Variants in GUCY1A1 observed in about 807,000 individuals in gnomAD.
GUCY1A1 encodes the protein guanylate cyclase 1 soluble subunit alpha 1.
In GUCY1A1, 48 loss-of-function variants were observed where a neutral mutation model predicts 64.5. That is an observed-to-expected ratio of 0.74 (90% confidence interval 0.59 to 0.95). The LOEUF is 0.95. Ranked by LOEUF, GUCY1A1 falls within the 40% of genes least tolerant of loss-of-function variation. The pLI, the probability that GUCY1A1 is intolerant of heterozygous loss-of-function variation, is 0.00. For synonymous variants in GUCY1A1, 308 were observed against 303.4 expected (o/e 1.02, Z -0.16); for missense variants, 804 against 825.3 (o/e 0.97, Z 0.32).
intron 2 of GUCY1A1, among the ~76,000 whole-genome samples, chr4:155,679,111 T>A (rs1735338816): frequency 6.6e-6 from 1 of 152,206 alleles, no homozygotes. Flanking sequence ...TATGTAATAA[T>A]GTCTTTTGAA....
rs187542057 is a variant in GUCY1A1, at chr4:155,696,729, T to G, written c.-112-27T>G. 8.4e-4 allele frequency: 579 copies of G among 686,306 alleles called. 3 individuals carry two copies. The highest frequency in any genetic ancestry group is 2.9e-3 in the African/African-American group (163 of 55,722). The allele number at this position is 686,306 out of a possible 1,614,324, so 42.5% of individuals were successfully genotyped here. A position where few individuals can be genotyped will look rare whatever the true frequency, so the allele number is the denominator to read the frequency against. Reference sequence around the variant, plus strand: ...ATCCGTGCATAAAGTCACTCCTCTTTCTGTTCTGACTTTTTGCTGTCCATA... The same window carrying G: ...ATCCGTGCATAAAGTCACTCCTCTTGCTGTTCTGACTTTTTGCTGTCCATA... On this transcript the variant is annotated intron_variant, in intron 2 of 9. Coordinates refer to ENST00000506455, the MANE Select transcript of GUCY1A1 (RefSeq NM_001130682.3).
At chr4:155,699,916 T>C (rs1360597194) in intron 3 of GUCY1A1, among the ~76,000 whole-genome samples, 1 of 152,214 alleles carries the variant, frequency 6.6e-6, no homozygotes, top group African/African-American at 2.4e-5. Context: ...GAGGTCGTTC[T>C]CAAGTAATGG....
At chr4:155,705,290 G>C (rs1731594726) in intron 4 of GUCY1A1, among the ~76,000 whole-genome samples, 1 of 152,146 alleles carries the variant, frequency 6.6e-6, no homozygotes, top group Admixed American at 6.5e-5. Flanking sequence ...AGGCACGGTG[G>C]CAAATCCCAG....
At chr4:155,703,812 A>G (rs1371203109) in intron 3 of GUCY1A1, 120 bp from the exon 4 acceptor site, 2 of 649,096 alleles carry the variant, frequency 3.1e-6, no homozygotes, top group Non-Finnish European at 5.5e-6. Flanking sequence ...TTATCATTCA[A>G]GCAATTGTAT....
chr4:155,692,299 G>A (rs763837809), intron 2 of GUCY1A1, among the ~76,000 whole-genome samples: 3 of 151,974 alleles, frequency 2.0e-5, no homozygotes, highest in Non-Finnish European at 4.4e-5. Flanking sequence ...TATTCTTTTG[G>A]GTGTATACCT....
At chr4:155,691,605 C>T (rs1258735204) in intron 2 of GUCY1A1, among the ~76,000 whole-genome samples, 1 of 152,080 alleles carries the variant, frequency 6.6e-6, no homozygotes, top group Non-Finnish European at 1.5e-5. Context: ...CTTTTGGCTA[C>T]TCTTAAAAAT....
intron 2 of GUCY1A1, among the ~76,000 whole-genome samples, chr4:155,679,090 G>A (rs1158720977): frequency 6.6e-6 from 1 of 151,812 alleles, no homozygotes; most frequent in African/African-American, 2.4e-5. Context: ...TATATGACTT[G>A]TGTTTTTGTT....
At chr4:155,701,260 A>G (rs749690498) in intron 3 of GUCY1A1, among the ~76,000 whole-genome samples, 16 of 152,204 alleles carry the variant, frequency 1.1e-4, no homozygotes, top group Admixed American at 5.9e-4. Flanking sequence ...TTCACTCATA[A>G]TATTGGTCAA....
chr4:155,698,198 G>T (rs1193690801), intron 3 of GUCY1A1, among the ~76,000 whole-genome samples: 2 of 152,104 alleles, frequency 1.3e-5, no homozygotes, highest in Non-Finnish European at 2.9e-5. Context: ...AACAGTCCAG[G>T]CTGGAATGAC....
chr4:155,670,790 G>A (rs2126492795), intron 2 of GUCY1A1, among the ~76,000 whole-genome samples: 1 of 152,200 alleles, frequency 6.6e-6, no homozygotes, highest in South Asian at 2.1e-4. Flanking sequence ...AAAAATTGAG[G>A]CCAAGTCAAA....
intron 2 of GUCY1A1, among the ~76,000 whole-genome samples, chr4:155,684,186 G>T (rs1579019790): frequency 6.6e-6 from 1 of 152,170 alleles, no homozygotes; most frequent in African/African-American, 2.4e-5. Context: ...GAATCAATTA[G>T]ATGGCAGAGG....
chr4:155,671,578 G>A (rs1734146918), intron 2 of GUCY1A1, among the ~76,000 whole-genome samples: 1 of 152,054 alleles, frequency 6.6e-6, no homozygotes, highest in Non-Finnish European at 1.5e-5. Context: ...TCTTAGCAGA[G>A]GACCATACTT....
chr4:155,715,944 A>C (rs1733174289), intron 7 of GUCY1A1, among the ~76,000 whole-genome samples: 2 of 152,178 alleles, frequency 1.3e-5, no homozygotes, highest in Admixed American at 1.3e-4. Flanking sequence ...GCAGTGGGTA[A>C]GGGGTGATTG....
At position 155,711,191 on chromosome 4, in the gene GUCY1A1, G is replaced by T. The variant is rs751130843; in HGVS notation, c.1026G>T (p.Leu342Phe). ...NQTFSGIMTMLNMQFVVRVRR... is the reference protein window; with the variant it reads ...NQTFSGIMTMFNMQFVVRVRR... ...CGTTTAGCGGGATCATGACTATGTT[G>T]AATATGCAGTTTGTTGTACGAGTGA... The change falls in exon 6 of 10, where the codon TTG becomes TTT. Residue 342 changes from leucine (L) to phenylalanine (F), a missense_variant. Physicochemically the swap from Leu to Phe is conservative, Grantham distance 22 (BLOSUM62 0). Transcript: ENST00000506455. 6.2e-7 allele frequency: 1 copy of T among 1,613,608 alleles called. No individual in the cohort carries two copies. The highest frequency in any genetic ancestry group is 1.1e-5 in the South Asian group (1 of 91,066).
At chr4:155,699,872 A>G (rs1442238003) in intron 3 of GUCY1A1, among the ~76,000 whole-genome samples, 1 of 152,182 alleles carries the variant, frequency 6.6e-6, no homozygotes, top group Non-Finnish European at 1.5e-5. Flanking sequence ...GGCAAGTATA[A>G]AAATGTATTA....
chr4:155,674,504 C>A (rs1004618519), intron 2 of GUCY1A1, among the ~76,000 whole-genome samples: 3 of 151,394 alleles, frequency 2.0e-5, no homozygotes, highest in Non-Finnish European at 4.4e-5. Context: ...CCAGCATCTT[C>A]GTTCTTTATA....
chr4:155,705,941 A>G (rs530615914), intron 4 of GUCY1A1, among the ~76,000 whole-genome samples: 4 of 152,312 alleles, frequency 2.6e-5, no homozygotes, highest in African/African-American at 7.2e-5. Context: ...TCAAGCTGAT[A>G]AGATAGTCTT....
intron 2 of GUCY1A1, among the ~76,000 whole-genome samples, chr4:155,679,104 G>A (rs1735336891): frequency 6.6e-6 from 1 of 151,706 alleles, no homozygotes; most frequent in Non-Finnish European, 1.5e-5. Context: ...TTTTGTTTAT[G>A]TAATAATGTC....
intron 3 of GUCY1A1, among the ~76,000 whole-genome samples, chr4:155,702,527 C>T (rs889348661): frequency 2.0e-5 from 3 of 152,150 alleles, no homozygotes; most frequent in Admixed American, 1.3e-4. Context: ...CTCAACTGCC[C>T]TTTGCCTTTA....
Sources: allele counts gnomAD v4.1 joint callset (sites outside exome capture counted in the v4.1 genomes callset), GRCh38; gene constraint gnomAD v4.1.1; transcripts MANE v1.5; gene names NCBI Gene and HGNC (gene_info 2026-07-23, HGNC 2026-07-21).